TCTN3: variants seen among roughly 807,000 people sequenced by gnomAD.
TCTN3 encodes tectonic family member 3.
Under a neutral mutation model 71.3 loss-of-function variants are expected in TCTN3, and 57 were observed. The observed-to-expected ratio is 0.80, with a 90% confidence interval of 0.65 to 1.00. The LOEUF (loss-of-function observed/expected upper bound fraction) is 1.00. TCTN3 is among the 50% of genes least tolerant of loss of function. The pLI is 0.00. For synonymous variants in TCTN3, 258 were observed against 267.8 expected (o/e 0.96, Z 0.36); for missense variants, 696 against 719.9 (o/e 0.97, Z 0.38).
Position 95,664,186 on chromosome 10 carries a change from C to G in TCTN3, c.1705G>C (p.Asp569His), listed in dbSNP as rs780308423. ...AATGCCACTTTGAAGGGAAAGAAGT[C>G]GAATGGCCATTTCCAGTCCATTTTG... ...QPKMDWKWPFDFFPFKVAFSR... is the reference protein window; with the variant it reads ...QPKMDWKWPFHFFPFKVAFSR... Residue 569 changes from aspartate to histidine, a missense_variant, in exon 14 of 14, where the codon GAC becomes CAC. Transcript: ENST00000371217. 6.2e-7 allele frequency: 1 copy of G among 1,614,146 alleles called. No individual in the cohort carries two copies. The highest frequency in any genetic ancestry group is 1.7e-5 in the Admixed American group (1 of 60,018).
intron 13 of TCTN3, among the ~76,000 whole-genome samples, chr10:95,677,753 C>G (rs571235400): frequency 6.6e-6 from 1 of 152,062 alleles, no homozygotes; most frequent in East Asian, 1.9e-4. Context: ...GGCGGGTTGG[C>G]TTAGGTTGTA....
Position 95,693,140 on chromosome 10 carries a change from C to T in TCTN3, c.381-102G>A, listed in dbSNP as rs528982906. 1.3e-5 allele frequency: 16 copies of T among 1,198,134 alleles called. No homozygotes were observed. The African/African-American group carries it at 2.3e-4, about 17-fold the overall frequency. 74.2% of individuals were successfully genotyped at this position (1,198,134 alleles called of 1,614,324 possible). On this transcript the variant is annotated intron_variant, in intron 2 of 13. Coordinates refer to ENST00000371217, the MANE Select transcript of TCTN3 (RefSeq NM_015631.6). ...GGCCAGATGATGCCAAAGAGGACTCCTTGGGCACCTATAGGACGACACGAA... is the reference window on the plus strand; with the variant it reads ...GGCCAGATGATGCCAAAGAGGACTCTTTGGGCACCTATAGGACGACACGAA...
intron 13 of TCTN3, among the ~76,000 whole-genome samples, chr10:95,672,062 T>C (rs2097932052): frequency 6.6e-6 from 1 of 151,292 alleles, no homozygotes; most frequent in African/African-American, 2.4e-5. Flanking sequence ...ATGTCCATCA[T>C]TTCAGAGCTC....
At chr10:95,670,007 T>C (rs1206346009) in intron 13 of TCTN3, among the ~76,000 whole-genome samples, 1 of 134,048 alleles carries the variant, frequency 7.5e-6, no homozygotes, top group Admixed American at 9.1e-5. Context: ...GAGCCTGCAG[T>C]GAGCCGAGAT....
chr10:95,675,756 T>G (rs904681196), intron 13 of TCTN3, among the ~76,000 whole-genome samples: 6 of 152,242 alleles, frequency 3.9e-5, no homozygotes, highest in Non-Finnish European at 7.3e-5. Context: ...TTACTAATCC[T>G]GTCACTTCCT....
At chr10:95,686,969 C>A in intron 6 of TCTN3, 75 bp downstream of exon 6, 2 of 1,313,562 alleles carry the variant, frequency 1.5e-6, no homozygotes, top group Non-Finnish European at 1.1e-6. Context: ...GCTCTTTCCA[C>A]AACCCACAAC....
At chr10:95,677,238 T>C (rs2097937972) in intron 13 of TCTN3, among the ~76,000 whole-genome samples, 1 of 152,176 alleles carries the variant, frequency 6.6e-6, no homozygotes, top group South Asian at 2.1e-4. Flanking sequence ...ACATGACATA[T>C]GATGTGTTTT....
intron 13 of TCTN3, among the ~76,000 whole-genome samples, chr10:95,669,130 G>GT (rs1207874812): frequency 2.0e-5 from 3 of 152,194 alleles, no homozygotes; most frequent in Admixed American, 6.5e-5. Context: ...TGGCAGAGTA[G>GT]TGGGGGGGTA....
At chr10:95,668,228 G>A (rs1270684496) in intron 13 of TCTN3, among the ~76,000 whole-genome samples, 13 of 126,648 alleles carry the variant, frequency 1.0e-4, no homozygotes, top group Admixed American at 4.5e-4. Context: ...TCAATCTAGC[G>A]ACACCCTAAC....
At chr10:95,675,397 T>C (rs552491374) in intron 13 of TCTN3, among the ~76,000 whole-genome samples, 1 of 152,170 alleles carries the variant, frequency 6.6e-6, no homozygotes, top group African/African-American at 2.4e-5. Context: ...TGGCCGGTTA[T>C]ATATTTTAAC....
intron 13 of TCTN3, among the ~76,000 whole-genome samples, chr10:95,668,826 T>C (rs1185041739): frequency 1.3e-5 from 2 of 152,178 alleles, no homozygotes; most frequent in African/African-American, 4.8e-5. Flanking sequence ...CATCAGGTTA[T>C]GGGGTTATGG....
intron 3 of TCTN3, 23 bp from the exon 4 acceptor site, chr10:95,687,742 A>G (rs745759313): frequency 2.5e-6 from 4 of 1,600,204 alleles, no homozygotes; most frequent in Non-Finnish European, 3.4e-6. Flanking sequence ...TTAAAAGAAA[A>G]AGCGTTTAGA....
intron 13 of TCTN3, among the ~76,000 whole-genome samples, chr10:95,665,908 G>T (rs1218691866): frequency 2.0e-5 from 3 of 150,582 alleles, no homozygotes; most frequent in African/African-American, 7.3e-5. Context: ...TATTGAGTCA[G>T]TCCTGTGCTA....
rs2097923768 is a variant in TCTN3 at position 95,663,929 on chromosome 10, C to T, written c.*138G>A. ...TTTCTAAAATAACTCCTTTCATATA[C>T]AAGGATTCCTTCAGTTAGGTCCTCT... On this transcript the variant is annotated 3_prime_UTR_variant, in exon 14 of 14. Coordinates refer to ENST00000371217, the MANE Select transcript of TCTN3 (RefSeq NM_015631.6). The T allele has an allele frequency of 7.3e-6, 5 of 687,324 alleles. No homozygotes were observed. In the South Asian group the frequency reaches 7.4e-5, roughly 10 times the overall value. 42.6% of individuals were successfully genotyped at this position (687,324 alleles called of 1,614,324 possible). A position where few individuals can be genotyped will look rare whatever the true frequency, so the allele number is the denominator to read the frequency against.
intron 13 of TCTN3, among the ~76,000 whole-genome samples, chr10:95,667,900 G>A (rs989006689): frequency 2.6e-5 from 4 of 152,062 alleles, no homozygotes; most frequent in Admixed American, 1.3e-4. Context: ...CTCTTATTTT[G>A]GATTGAGAGT....
At chr10:95,682,906 G>C (rs2097944474) in intron 11 of TCTN3, 102 bp from the exon 12 acceptor site, 1 of 1,442,594 alleles carries the variant, frequency 6.9e-7, no homozygotes, top group Admixed American at 2.2e-5. Flanking sequence ...ATATAAAATA[G>C]ACCAGAGGGT....
At chr10:95,688,511 T>A (rs1315610969) in intron 3 of TCTN3, among the ~76,000 whole-genome samples, 1 of 151,550 alleles carries the variant, frequency 6.6e-6, no homozygotes, top group African/African-American at 2.4e-5. Flanking sequence ...CATAGGAACA[T>A]GGGACAATTA....
Position 95,680,753 on chromosome 10 carries a change from A to G in TCTN3, c.1453-144T>C, listed in dbSNP as rs947961406. ...TAGTGGAAGAACACAAAAGTTCACA[A>G]TAAGACTATGTTATTATTCCTGATC... On this transcript the variant is annotated intron_variant, in intron 12 of 13. Transcript: ENST00000371217. 3.3e-6 allele frequency: 3 copies of G among 920,432 alleles called. No homozygotes were observed. In the African/African-American group the frequency reaches 5.2e-5, roughly 16 times the overall value. 57.0% of individuals were successfully genotyped at this position (920,432 alleles called of 1,614,324 possible). A position where few individuals can be genotyped will look rare whatever the true frequency, so the allele number is the denominator to read the frequency against.
intron 2 of TCTN3, 119 bp from the exon 3 acceptor site, chr10:95,693,157 C>T (rs2097955226): frequency 2.5e-6 from 3 of 1,186,322 alleles, no homozygotes; most frequent in Admixed American, 2.3e-5. Context: ...ACCTATAGGA[C>T]GACACGAAGG....
Sources: gnomAD v4.1 joint callset for allele counts (sites outside exome capture counted in the v4.1 genomes callset) on GRCh38, gnomAD v4.1.1 for gene constraint, MANE v1.5 for transcripts, NCBI Gene and HGNC (gene_info 2026-07-23, HGNC 2026-07-21) for gene names.